ROR1: variants seen among roughly 807,000 people sequenced by gnomAD.
ROR1 encodes ROR family WNT receptor 1.
Under a neutral mutation model 78.8 loss-of-function variants are expected in ROR1, and 19 were observed. The observed-to-expected ratio is 0.24, with a 90% CI of 0.17 to 0.35. The LOEUF (loss-of-function observed/expected upper bound fraction) is 0.35. Ranked by LOEUF, ROR1 falls within the 10% of genes least tolerant of loss-of-function variation. The probability of loss-of-function intolerance (pLI) is 1.00; values close to 1 mark genes in which losing one functional copy is unlikely to be tolerated. For synonymous variants in ROR1, 386 were observed against 433.6 expected (o/e 0.89, Z 1.36); for missense variants, 917 against 1,177.8 (o/e 0.78, Z 3.24).
At chr1:63,884,832 T>C (rs1405519191) in intron 1 of ROR1, among the ~76,000 whole-genome samples, 1 of 150,794 alleles carries the variant, frequency 6.6e-6, no homozygotes, top group African/African-American at 2.5e-5. Context: ...GTGTTTTGGT[T>C]ATGGTGTGTT....
At chr1:63,868,811 A>G (rs917639210) in intron 1 of ROR1, among the ~76,000 whole-genome samples, 1 of 152,302 alleles carries the variant, frequency 6.6e-6, no homozygotes, top group Admixed American at 6.5e-5. Context: ...GGATCTGGGA[A>G]CGTCGTGAAG....
intron 1 of ROR1, among the ~76,000 whole-genome samples, chr1:63,954,702 CA>C (rs1337066020): frequency 6.6e-6 from 1 of 152,158 alleles, no homozygotes; most frequent in Non-Finnish European, 1.5e-5. Flanking sequence ...CAGCTATTTA[CA>C]TGAAATTAAC....
At chr1:64,081,261 T>G (rs1186180795) in intron 4 of ROR1, among the ~76,000 whole-genome samples, 1 of 152,204 alleles carries the variant, frequency 6.6e-6, no homozygotes. Flanking sequence ...AATGAAGACA[T>G]CGACCTTCCA....
intron 1 of ROR1, among the ~76,000 whole-genome samples, chr1:63,963,292 G>A (rs941855737): frequency 1.3e-5 from 2 of 152,118 alleles, no homozygotes; most frequent in African/African-American, 2.4e-5. Context: ...TCTGGGCTGG[G>A]CGCAGTGGCT....
intron 2 of ROR1, among the ~76,000 whole-genome samples, chr1:64,029,853 C>T (rs1646645485): frequency 6.6e-6 from 1 of 152,212 alleles, no homozygotes. Flanking sequence ...TTTCTTAAAA[C>T]ATCACATGTA....
At chr1:64,078,676 A>G (rs1311332549) in intron 4 of ROR1, among the ~76,000 whole-genome samples, 2 of 152,170 alleles carry the variant, frequency 1.3e-5, no homozygotes, top group Non-Finnish European at 2.9e-5. Flanking sequence ...AAGAAAGATA[A>G]GAAGAGAACC....
chr1:64,143,367 GAAA>G, intron 7 of ROR1: 1 of 838,514 alleles, frequency 1.2e-6, no homozygotes, highest in Non-Finnish European at 1.4e-6. Flanking sequence ...CCAAAAAAAA[GAAA>G]AAAAAAAAAA....
At chr1:64,008,711 T>C (rs1238347316) in intron 1 of ROR1, among the ~76,000 whole-genome samples, 1 of 152,160 alleles carries the variant, frequency 6.6e-6, no homozygotes, top group African/African-American at 2.4e-5. Flanking sequence ...TTCAGCTCAC[T>C]GCAACCTCCG....
At chr1:64,166,163 GA>G (rs1196752615) in intron 8 of ROR1, among the ~76,000 whole-genome samples, 3 of 152,188 alleles carry the variant, frequency 2.0e-5, no homozygotes, top group Non-Finnish European at 4.4e-5. Context: ...GTTTGTTAAA[GA>G]TCAGGTAGTT....
At chr1:63,818,541 A>T (rs745942702) in intron 1 of ROR1, among the ~76,000 whole-genome samples, 1 of 152,120 alleles carries the variant, frequency 6.6e-6, no homozygotes, top group Non-Finnish European at 1.5e-5. Context: ...TGTTCCTTTG[A>T]TTGATGGCAA....
chr1:64,130,342 T>A (rs2762846), intron 4 of ROR1, among the ~76,000 whole-genome samples: 1 of 152,138 alleles, frequency 6.6e-6, no homozygotes, highest in Non-Finnish European at 1.5e-5. Context: ...TTTTTGATGC[T>A]CACTTTCAGA....
chr1:63,798,313 G>A (rs1040084313), intron 1 of ROR1, among the ~76,000 whole-genome samples: 3 of 152,170 alleles, frequency 2.0e-5, no homozygotes, highest in South Asian at 2.1e-4. Flanking sequence ...TCAATAAGAC[G>A]CCCCACTTTT....
chr1:64,069,829 AT>A lies in ROR1; in HGVS notation c.482+19115del, dbSNP rs1463974165. 4.6e-5 allele frequency among the ~76,000 whole-genome samples: 7 copies of A among 152,200 alleles called. No homozygotes were observed. The South Asian group carries it at 1.2e-3, about 27-fold the overall frequency. On this transcript the variant is annotated intron_variant, in intron 4 of 8. Transcript: ENST00000371079. ...ATCTCCCTTTATTTTTATTATTATT[AT>A]TGTGGTAAACTATACATGACATAAA... is the stretch of plus-strand genomic sequence containing the variant.
intron 4 of ROR1, among the ~76,000 whole-genome samples, chr1:64,107,976 G>A (rs1647895012): frequency 6.6e-6 from 1 of 151,886 alleles, no homozygotes; most frequent in African/African-American, 2.4e-5. Context: ...TAAATGACAT[G>A]TTTAATTATT....
In ROR1 at chr1:63,815,110, G is replaced by A. The variant is rs1569758674; in HGVS notation, c.91+40602G>A. ...ACTGCCTCTGTTTGTTTTTGCAAATGCACTATGATTTGTGGTTGGTCTTTT... is the reference window on the plus strand; with the variant it reads ...ACTGCCTCTGTTTGTTTTTGCAAATACACTATGATTTGTGGTTGGTCTTTT... On this transcript the variant is annotated intron_variant, in intron 1 of 8. Coordinates refer to ENST00000371079, the MANE Select transcript of ROR1 (RefSeq NM_005012.4). Among the ~76,000 whole-genome samples the A allele has an allele frequency of 3.3e-5, 5 of 152,138 alleles. No individual in the cohort carries two copies. In the South Asian group the frequency reaches 1.0e-3, roughly 31 times the overall value.
Position 64,178,164 on chromosome 1 carries a change from G to C in ROR1, c.2123G>C (p.Arg708Pro), listed in dbSNP as rs763066966. 2 of 1,613,944 alleles carry C rather than the reference G, an allele frequency of 1.2e-6. No homozygotes were observed. The highest frequency in any genetic ancestry group is 2.2e-5 in the South Asian group (2 of 91,058). ...GAAGTGATTGAGATGGTGAGAAAAC[G>C]GCAGCTCTTACCATGCTCTGAAGAC... ...NQEVIEMVRK[R>P]QLLPCSEDCP... The change falls in exon 9 of 9, where the codon CGG (arginine) becomes CCG (proline). Residue 708 changes from arginine to proline, a missense_variant. Transcript: ENST00000371079. This position sits in a 1 kb window ranked among gnomAD's most constrained non-coding sequence, Gnocchi z 4.3.
intron 1 of ROR1, among the ~76,000 whole-genome samples, chr1:63,849,963 C>T (rs1645103835): frequency 1.3e-5 from 2 of 152,170 alleles, no homozygotes; most frequent in Non-Finnish European, 2.9e-5. Flanking sequence ...CCAGTGTACC[C>T]CTCCTAAATC....
intron 4 of ROR1, among the ~76,000 whole-genome samples, chr1:64,137,011 G>A (rs1649136134): frequency 6.6e-6 from 1 of 152,042 alleles, no homozygotes; most frequent in Admixed American, 6.6e-5. Context: ...AATAATCTGT[G>A]CTTAAAAAAC....
At chr1:64,101,098 T>C (rs1310431059) in intron 4 of ROR1, among the ~76,000 whole-genome samples, 1 of 152,106 alleles carries the variant, frequency 6.6e-6, no homozygotes, top group Non-Finnish European at 1.5e-5. Context: ...TTTTACATGG[T>C]TTTATGGGTA....
Sources: gnomAD v4.1 joint callset for allele counts (sites outside exome capture counted in the v4.1 genomes callset) on GRCh38, gnomAD v4.1.1 for gene constraint, Gnocchi (gnomAD v3.1) non-coding constraint, MANE v1.5 for transcripts, NCBI Gene and HGNC (gene_info 2026-07-23, HGNC 2026-07-21) for gene names.